Variants in NRG3 observed in about 807,000 individuals in gnomAD.
NRG3 encodes the protein pro-neuregulin-3, membrane-bound isoform.
A neutral mutation model predicts 66.9 loss-of-function variants in NRG3; 31 were observed. The observed-to-expected ratio is 0.46, with a 90% CI of 0.35 to 0.63. The LOEUF (loss-of-function observed/expected upper bound fraction) is 0.63, where lower values mean the gene tolerates loss of function less well. NRG3 is among the 20% of genes least tolerant of loss of function. The pLI is 0.00. For missense variants in NRG3, 910 were observed against 878.9 expected, an observed-to-expected ratio of 1.04 and a Z score of -0.45; for synonymous variants, 393 against 359.4, an observed-to-expected ratio of 1.09 and a Z score of -1.06.
chr10:82,515,677 T>C lies in NRG3; in HGVS notation c.953+156809T>C, dbSNP rs1229809126. Among the ~76,000 whole-genome samples the C allele has an allele frequency of 2.0e-5, 3 of 152,322 alleles. No homozygotes were observed. The East Asian group carries it at 5.8e-4, about 29-fold the overall frequency. ...CTTGCTTCTCCTTCTTCCAAATTGT[T>C]GACCTGCATACAACATCAATAACAA... On this transcript the variant is annotated intron_variant, in intron 2 of 8. Transcript: ENST00000372141.
intron 2 of NRG3, among the ~76,000 whole-genome samples, chr10:82,640,113 A>G (rs1248657319): frequency 6.6e-6 from 1 of 152,154 alleles, no homozygotes; most frequent in Non-Finnish European, 1.5e-5. Context: ...ATTCTTTTTG[A>G]TGGATGCATA....
chr10:82,882,916 G>A (rs1288404804), intron 4 of NRG3, among the ~76,000 whole-genome samples: 1 of 152,194 alleles, frequency 6.6e-6, no homozygotes, highest in East Asian at 1.9e-4. Flanking sequence ...TACATTAGCT[G>A]CCAGTGGATA....
chr10:82,494,018 G>A (rs1460955837), intron 2 of NRG3, among the ~76,000 whole-genome samples: 1 of 152,142 alleles, frequency 6.6e-6, no homozygotes, highest in Non-Finnish European at 1.5e-5. Context: ...TTAGAGAAAT[G>A]CAAATCAAAA....
intron 3 of NRG3, among the ~76,000 whole-genome samples, chr10:82,832,642 C>A (rs544494473): frequency 6.6e-6 from 1 of 151,892 alleles, no homozygotes; most frequent in Non-Finnish European, 1.5e-5. Context: ...CAAAAGTGTG[C>A]GATGAGAGGG....
At chr10:82,427,006 A>C (rs892512859) in intron 2 of NRG3, among the ~76,000 whole-genome samples, 1 of 152,070 alleles carries the variant, frequency 6.6e-6, no homozygotes, top group African/African-American at 2.4e-5. Context: ...GTATAGAAAT[A>C]TGACTGATTT....
chr10:82,021,439 C>T (rs937045778), intron 1 of NRG3, among the ~76,000 whole-genome samples: 1 of 152,118 alleles, frequency 6.6e-6, no homozygotes, highest in East Asian at 1.9e-4. Flanking sequence ...CTGGGGAAAT[C>T]AAGTAGAGAG....
chr10:82,936,109 G>A (rs1194213819), intron 4 of NRG3, among the ~76,000 whole-genome samples: 2 of 152,102 alleles, frequency 1.3e-5, no homozygotes, highest in Admixed American at 6.5e-5. Context: ...TTCTCACAGT[G>A]TAAATTTATG....
At chr10:82,200,023 G>A (rs1259984710) in intron 1 of NRG3, among the ~76,000 whole-genome samples, 1 of 151,746 alleles carries the variant, frequency 6.6e-6, no homozygotes, top group Non-Finnish European at 1.5e-5. Context: ...TCCGAAAAAT[G>A]TACATAATTA....
At chr10:82,955,970 G>A (rs1199236803) in intron 5 of NRG3, among the ~76,000 whole-genome samples, 1 of 151,866 alleles carries the variant, frequency 6.6e-6, no homozygotes, top group Non-Finnish European at 1.5e-5. Context: ...GAGGTTTGCT[G>A]AGGTTTTCAC....
chr10:82,757,851 T>C (rs944091730), intron 3 of NRG3, among the ~76,000 whole-genome samples: 1 of 152,158 alleles, frequency 6.6e-6, no homozygotes, highest in Non-Finnish European at 1.5e-5. Flanking sequence ...AACAAATTGA[T>C]TTAATTAAAT....
chr10:82,618,865 T>C (rs2048845357), intron 2 of NRG3, among the ~76,000 whole-genome samples: 1 of 152,020 alleles, frequency 6.6e-6, no homozygotes, highest in East Asian at 1.9e-4. Flanking sequence ...TTTATGGACG[T>C]GTTTAAAGTT....
intron 1 of NRG3, among the ~76,000 whole-genome samples, chr10:81,944,911 G>C (rs1204178292): frequency 1.3e-5 from 2 of 152,090 alleles, no homozygotes; most frequent in Non-Finnish European, 2.9e-5. Context: ...TCTGGGGTGT[G>C]ACTTATTTTT....
At chr10:82,873,506 T>C (rs1841528607) in intron 4 of NRG3, among the ~76,000 whole-genome samples, 1 of 152,196 alleles carries the variant, frequency 6.6e-6, no homozygotes, top group Non-Finnish European at 1.5e-5. Context: ...GTTTAGGCAG[T>C]TGGCCAAAGG....
chr10:82,449,036 A>G (rs2090888550), intron 2 of NRG3, among the ~76,000 whole-genome samples: 1 of 152,196 alleles, frequency 6.6e-6, no homozygotes, highest in Non-Finnish European at 1.5e-5. Context: ...AATAGCAAGA[A>G]AAGGAGAAGC....
In NRG3 at chr10:82,263,877, A is replaced by G. The variant is rs118100165; in HGVS notation, c.824-94862A>G. On this transcript the variant is annotated intron_variant, in intron 1 of 8. Transcript: ENST00000372141. ...GTTGTTGCTTTTAAAGTGATGGTTTATATTTAAAATCCAGTTTAAGTTAAA... is the reference window on the plus strand; with the variant it reads ...GTTGTTGCTTTTAAAGTGATGGTTTGTATTTAAAATCCAGTTTAAGTTAAA... Among the ~76,000 whole-genome samples, 760 of 152,320 alleles carry G rather than the reference A, an allele frequency of 5.0e-3. 39 individuals are homozygous for G. In the East Asian group the frequency reaches 0.12, roughly 24 times the overall value.
rs1418889418 is a variant in NRG3, at chr10:82,152,842, CTTT to C, written c.824-205896_824-205894del. Among the ~76,000 whole-genome samples, 565 of 140,612 alleles carry C rather than the reference CTTT, an allele frequency of 4.0e-3. 6 individuals carry two copies. The highest frequency in any genetic ancestry group is 0.014 in the African/African-American group (532 of 37,106). The allele number at this position is 140,612 out of a possible 152,430, so 92.2% of individuals were successfully genotyped here. On this transcript the variant is annotated intron_variant, in intron 1 of 8. Transcript: ENST00000372141. The stretch of plus-strand genomic sequence containing the variant: ...TCTTTTTCTTTCTCTTTCTCTTTTT[CTTT>C]CTTTCTTTCTTTTCTTTCTTTTTCT...
At chr10:82,779,378 A>T (rs535584462) in intron 3 of NRG3, among the ~76,000 whole-genome samples, 112 of 152,206 alleles carry the variant, frequency 7.4e-4, no homozygotes, top group African/African-American at 2.5e-3. Context: ...TCTTATCTCT[A>T]TGCAGCCCTT....
At chr10:82,928,152 G>C (rs1455288488) in intron 4 of NRG3, among the ~76,000 whole-genome samples, 1 of 152,044 alleles carries the variant, frequency 6.6e-6, no homozygotes, top group Non-Finnish European at 1.5e-5. Flanking sequence ...CTGTTGAGGA[G>C]TGTCTGTTCA....
At chr10:82,625,233 A>G (rs914404196) in intron 2 of NRG3, among the ~76,000 whole-genome samples, 3 of 152,034 alleles carry the variant, frequency 2.0e-5, no homozygotes. Flanking sequence ...GGAAAAACAG[A>G]GGCTTGTATG....
Sources: gnomAD v4.1 joint callset for allele counts (sites outside exome capture counted in the v4.1 genomes callset) on GRCh38, gnomAD v4.1.1 for gene constraint, MANE v1.5 for transcripts, NCBI Gene and HGNC (gene_info 2026-07-23, HGNC 2026-07-21) for gene names.